CHD1L: variants seen among roughly 807,000 people sequenced by gnomAD.
The protein encoded by CHD1L is ATP-dependent chromatin remodeler CHD1L.
Under a neutral mutation model 115.9 loss-of-function variants are expected in CHD1L, and 118 were observed. That is an observed-to-expected ratio of 1.02 (90% CI 0.88 to 1.19). The LOEUF (loss-of-function observed/expected upper bound fraction) is 1.19. Among genes scored for constraint, CHD1L ranks in the 50% most tolerant of loss-of-function variants. The probability of loss-of-function intolerance (pLI) is 0.00; values close to 1 mark genes in which losing one functional copy is unlikely to be tolerated. For synonymous variants in CHD1L, 411 were observed against 387.1 expected, an observed-to-expected ratio of 1.06 and a Z score of -0.72; for missense variants, 1,179 against 1,065.3, an observed-to-expected ratio of 1.11 and a Z score of -1.49.
At chr1:147,220,959 A>AC in the CHD1L span, among the ~76,000 whole-genome samples, 1 of 151,742 alleles carries the variant, frequency 6.6e-6, no homozygotes, top group East Asian at 1.9e-4. Context: ...AAAAAAAAAA[A>AC]CAGTGGGTAT....
intron 17 of CHD1L, among the ~76,000 whole-genome samples, chr1:147,285,977 G>A (rs12067528): frequency 0.017 from 2,559 of 152,178 alleles, 70 homozygotes; most frequent in African/African-American, 0.058. Context: ...GATTACAGGC[G>A]TGAGCTACCA....
At chr1:147,204,030 G>A in the CHD1L span, 7 of 1,192,150 alleles carry the variant, frequency 5.9e-6, no homozygotes, top group Non-Finnish European at 8.8e-6. Flanking sequence ...GCATAATGAA[G>A]AGCCATGTCT....
Position 147,255,710 on chromosome 1 carries a change from T to A in CHD1L, c.348-103T>A. ...ACTCTGGTTGTAGGACCTCATGAGT[T>A]CTGTACATTGCAATCCTCCCATGAA... is the stretch of plus-strand genomic sequence containing the variant. On this transcript the variant is annotated intron_variant, in intron 3 of 22. Transcript: ENST00000369258. 6.6e-6 allele frequency: 5 copies of A among 757,918 alleles called. 1 individual carries two copies. In the South Asian group the frequency reaches 9.6e-5, roughly 15 times the overall value. 46.9% of individuals were successfully genotyped at this position (757,918 alleles called of 1,614,324 possible). A position where few individuals can be genotyped will look rare whatever the true frequency, so the allele number is the denominator to read the frequency against.
intron 14 of CHD1L, among the ~76,000 whole-genome samples, chr1:147,278,431 G>A (rs1178666363): frequency 6.6e-6 from 1 of 151,368 alleles, no homozygotes; most frequent in Non-Finnish European, 1.5e-5. Context: ...CACCATGTTG[G>A]CCAGACTGGT....
At chr1:147,184,387 C>T in the CHD1L span, 7 of 1,202,508 alleles carry the variant, frequency 5.8e-6, no homozygotes, top group South Asian at 2.4e-5. The surrounding 1 kb of genome is among the most constrained non-coding windows in gnomAD (Gnocchi z 4.4). Context: ...AATATTGATA[C>T]ATTATTAACC....
At chr1:147,265,209 A>G (rs1297896752) in intron 7 of CHD1L, among the ~76,000 whole-genome samples, 5 of 152,170 alleles carry the variant, frequency 3.3e-5, no homozygotes, top group Non-Finnish European at 7.3e-5. Flanking sequence ...GGGGCTTCTC[A>G]TAGCAAAAAT....
chr1:147,294,907 A>C (rs1290024178), intron 22 of CHD1L, among the ~76,000 whole-genome samples: 1 of 147,786 alleles, frequency 6.8e-6, no homozygotes, highest in South Asian at 2.2e-4. Context: ...GCAAACAAAT[A>C]AGTGAACTAT....
intron 1 of CHD1L, among the ~76,000 whole-genome samples, chr1:147,247,664 G>C (rs1667042646): frequency 6.6e-6 from 1 of 152,148 alleles, no homozygotes; most frequent in South Asian, 2.1e-4. Context: ...AATGGACTAA[G>C]ACAGGCCCTG....
chr1:147,230,985 G>GT, the CHD1L span, among the ~76,000 whole-genome samples: 10 of 151,944 alleles, frequency 6.6e-5, no homozygotes, highest in East Asian at 3.9e-4. Context: ...TTTTTGAAGG[G>GT]TTTTTTGTGT....
chr1:147,209,437 C>A, the CHD1L span, among the ~76,000 whole-genome samples: 1,036 of 109,746 alleles, frequency 9.4e-3, no homozygotes, highest in East Asian at 0.013. Flanking sequence ...GACTCCGTCT[C>A]AAAAAAAAAA....
At chr1:147,178,307 C>T in the CHD1L span, 3 of 1,613,004 alleles carry the variant, frequency 1.9e-6, no homozygotes, top group South Asian at 3.3e-5. Flanking sequence ...AGACTTGCTC[C>T]TGAGTATGAA....
intron 19 of CHD1L, among the ~76,000 whole-genome samples, chr1:147,290,708 C>G (rs1685187013): frequency 6.6e-6 from 1 of 152,146 alleles, no homozygotes; most frequent in Non-Finnish European, 1.5e-5. Flanking sequence ...GGCTGGAGTG[C>G]ACTGGCGTGA....
At position 147,242,727 on chromosome 1, in the gene CHD1L, C is replaced by T; in HGVS notation, c.24C>T (p.Ser8=). The T allele has an allele frequency of 1.6e-6, 2 of 1,258,336 alleles. No individual in the cohort carries two copies. The highest frequency in any genetic ancestry group is 2.0e-6 in the Non-Finnish European group (2 of 996,724). 77.9% of individuals were successfully genotyped at this position (1,258,336 alleles called of 1,614,324 possible). A position where few individuals can be genotyped will look rare whatever the true frequency, so the allele number is the denominator to read the frequency against. The change falls in exon 1 of 23, where the codon AGC becomes AGT. Residue 8 remains serine (S), a synonymous_variant. Transcript: ENST00000369258. MERAGAT[S]RGGQAPGFLL... is the part of the protein sequence containing the mutation. The stretch of plus-strand genomic sequence containing the variant: ...CGATGGAGCGCGCGGGCGCTACTAG[C>T]CGCGGGGGCCAAGCCCCTGGCTTCT...
the CHD1L span, chr1:147,186,552 C>T: frequency 9.9e-7 from 1 of 1,014,436 alleles, no homozygotes; most frequent in Non-Finnish European, 1.2e-6. Flanking sequence ...CCGATGCTGA[C>T]TTACTCTCCC....
At chr1:147,232,075 C>G in the CHD1L span, among the ~76,000 whole-genome samples, 4 of 152,144 alleles carry the variant, frequency 2.6e-5, no homozygotes, top group Non-Finnish European at 5.9e-5. Flanking sequence ...CTTGGCTCCA[C>G]CCCCCAGAGG....
the CHD1L span, chr1:147,184,600 G>C: frequency 1.2e-5 from 18 of 1,547,954 alleles, no homozygotes; most frequent in East Asian, 1.5e-4. The surrounding 1 kb of genome is among the most constrained non-coding windows in gnomAD (Gnocchi z 4.4). Context: ...TCTTCAACTT[G>C]GGTTTGTCTG....
the CHD1L span, among the ~76,000 whole-genome samples, chr1:147,200,552 G>A: frequency 6.6e-6 from 1 of 151,334 alleles, no homozygotes; most frequent in African/African-American, 2.4e-5. Context: ...TATTTCTTTG[G>A]AAGCTATATC....
chr1:147,232,895 A>C, the CHD1L span, among the ~76,000 whole-genome samples: 1 of 152,136 alleles, frequency 6.6e-6, no homozygotes, highest in Non-Finnish European at 1.5e-5. Context: ...AAAGTGCCGA[A>C]AGTGCAGCCT....
the CHD1L span, chr1:147,179,575 C>T: frequency 6.3e-7 from 1 of 1,587,006 alleles, no homozygotes; most frequent in African/African-American, 1.3e-5. Flanking sequence ...ACAAACCCCC[C>T]TGTAATTCAA....
Sources: gnomAD v4.1 joint callset for allele counts (sites outside exome capture counted in the v4.1 genomes callset) on GRCh38, gnomAD v4.1.1 for gene constraint, Gnocchi (gnomAD v3.1) non-coding constraint, MANE v1.5 for transcripts, NCBI Gene and HGNC (gene_info 2026-07-23, HGNC 2026-07-21) for gene names.